The following MAIP1 variants were observed in gnomAD, a reference collection of about 807,000 sequenced individuals.
The protein encoded by MAIP1 is matrix AAA peptidase interacting protein 1.
Under a neutral mutation model 31.2 loss-of-function variants are expected in MAIP1, and 28 were observed. That is an observed-to-expected ratio of 0.90 (90% CI 0.67 to 1.23). The LOEUF (loss-of-function observed/expected upper bound fraction) is 1.23. MAIP1 is among the 50% of genes most tolerant of loss of function. The pLI, the probability that MAIP1 is intolerant of heterozygous loss-of-function variation, is 0.00. For missense variants in MAIP1, 339 were observed against 356.0 expected (o/e 0.95, Z 0.38); for synonymous variants, 142 against 142.3 (o/e 1.00, Z 0.02).
intron 3 of MAIP1, among the ~76,000 whole-genome samples, chr2:199,960,173 A>G (rs1333781347): frequency 6.6e-6 from 1 of 152,224 alleles, no homozygotes; most frequent in Non-Finnish European, 1.5e-5. Flanking sequence ...CAAATAGAAA[A>G]TATTTATGTT....
Position 199,962,914 on chromosome 2 carries a change from TA to T in MAIP1, c.798-812del, listed in dbSNP as rs560141725. ...AGTGAAGATATAATTTAACATTTAT[TA>T]AAAAAATATGTTGCCAGAGTTACAC... On this transcript the variant is annotated intron_variant, in intron 4 of 4. Coordinates refer to ENST00000392290, the MANE Select transcript of MAIP1 (RefSeq NM_001394955.1). Among the ~76,000 whole-genome samples, 340 of 152,184 alleles carry T rather than the reference TA, an allele frequency of 2.2e-3. 3 individuals carry two copies. Among genetic ancestry groups the T allele is most frequent in the African/African-American group, 7.9e-3 (326 of 41,528 alleles).
At chr2:199,961,280 T>C (rs2077635200) in intron 3 of MAIP1, among the ~76,000 whole-genome samples, 1 of 151,930 alleles carries the variant, frequency 6.6e-6, no homozygotes, top group African/African-American at 2.4e-5. Flanking sequence ...CTGGGCAACA[T>C]GGCAAGACCC....
chr2:199,955,469 A>G, upstream of MAIP1: 2 of 1,613,612 alleles, frequency 1.2e-6, no homozygotes, highest in Non-Finnish European at 1.7e-6. Context: ...CTGCCCGGCC[A>G]TGGTTGCTCA....
At chr2:199,963,053 GA>G (rs2077644798) in intron 4 of MAIP1, among the ~76,000 whole-genome samples, 1 of 151,402 alleles carries the variant, frequency 6.6e-6, no homozygotes, top group South Asian at 2.1e-4. Context: ...CTTCTTAAAA[GA>G]AATGTGTTTT....
Position 199,961,878 on chromosome 2 carries a change from G to C in MAIP1, c.747G>C (p.Lys249Asn). Residue 249 changes from lysine (K) to asparagine (N), a missense_variant, in exon 4 of 5, where the codon AAG becomes AAC. By Grantham distance (94) the Lys-to-Asn change is moderately conservative. Transcript: ENST00000392290. ...TLRGASVFQVKLGNQNVETKQ... is the reference protein window; with the variant it reads ...TLRGASVFQVNLGNQNVETKQ... ...GAGGAGCCAGTGTATTCCAGGTTAA[G>C]TTGGGGAATCAGAATGTGGAAACTA... 1 of 1,614,038 alleles carries C rather than the reference G, an allele frequency of 6.2e-7. No homozygotes were observed. Among genetic ancestry groups the C allele is most frequent in the East Asian group, 2.2e-5 (1 of 44,852 alleles).
rs550256222 is a variant in MAIP1, at chr2:199,955,724, A to G, written c.-75A>G. 647 of 1,413,812 alleles carry G rather than the reference A, an allele frequency of 4.6e-4. 1 individual carries two copies. Among genetic ancestry groups the G allele is most frequent in the Non-Finnish European group, 5.2e-4 (549 of 1,051,612 alleles). The allele number at this position is 1,413,812 out of a possible 1,614,324, so 87.6% of individuals were successfully genotyped here. ...CTTTGCTCTCCAGTCTCTTTCTCCG[A>G]CACCGCTGAGGCGGTTTCCCACCGA... On this transcript the variant is annotated 5_prime_UTR_variant, in exon 1 of 5. Coordinates refer to ENST00000392290, the MANE Select transcript of MAIP1 (RefSeq NM_001394955.1).
intron 1 of MAIP1, 57 bp from the exon 2 acceptor site, chr2:199,959,211 C>T (rs2077623327): frequency 3.5e-6 from 3 of 863,910 alleles, no homozygotes; most frequent in African/African-American, 3.3e-5. Context: ...TAAATATGAA[C>T]ATGGTATGGT....
intron 1 of MAIP1, among the ~76,000 whole-genome samples, chr2:199,957,725 C>T (rs2077615765): frequency 6.6e-6 from 1 of 152,212 alleles, no homozygotes; most frequent in South Asian, 2.1e-4. Flanking sequence ...GATTAAGATG[C>T]TTAACTCAGC....
At chr2:199,955,419 G>A, upstream of MAIP1, 2 of 1,613,908 alleles carry the variant, frequency 1.2e-6, no homozygotes, top group Non-Finnish European at 8.5e-7. Flanking sequence ...TGCATGAACT[G>A]CTCCCGAGAA....
At chr2:199,961,656 A>G (rs1441513507) in intron 3 of MAIP1, 125 bp from the exon 4 acceptor site, 1 of 759,696 alleles carries the variant, frequency 1.3e-6, no homozygotes, top group African/African-American at 1.8e-5. Context: ...TCACATCAGA[A>G]TAAGCACAAA....
rs2077638700 is a variant in MAIP1 at position 199,961,864 on chromosome 2, G to A, written c.733G>A (p.Val245Ile). 2 of 1,613,868 alleles carry A rather than the reference G, an allele frequency of 1.2e-6. No homozygotes were observed. The highest frequency in any genetic ancestry group is 1.1e-5 in the South Asian group (1 of 91,080). Residue 245 changes from valine to isoleucine, a missense_variant, in exon 4 of 5, where the codon GTA becomes ATA. Transcript: ENST00000392290. ...IPSETLRGAS[V>I]FQVKLGNQNV... Reference sequence around the variant, plus strand: ...CAGTGAAACTTTAAGAGGAGCCAGTGTATTCCAGGTTAAGTTGGGGAATCA... The same window carrying A: ...CAGTGAAACTTTAAGAGGAGCCAGTATATTCCAGGTTAAGTTGGGGAATCA...
At position 199,955,715 on chromosome 2, in the gene MAIP1, C is replaced by G; in HGVS notation, c.-84C>G. On this transcript the variant is annotated 5_prime_UTR_variant, in exon 1 of 5. Transcript: ENST00000392290. ...ACAGGTCCACTTTGCTCTCCAGTCT[C>G]TTTCTCCGACACCGCTGAGGCGGTT... The G allele has an allele frequency of 1.5e-6, 2 of 1,374,866 alleles. No homozygotes were observed. Among genetic ancestry groups the G allele is most frequent in the Non-Finnish European group, 9.8e-7 (1 of 1,018,716 alleles). 85.2% of individuals were successfully genotyped at this position (1,374,866 alleles called of 1,614,324 possible).
chr2:199,961,151 A>G (rs2105727179), intron 3 of MAIP1, among the ~76,000 whole-genome samples: 1 of 152,268 alleles, frequency 6.6e-6, no homozygotes, highest in South Asian at 2.1e-4. Flanking sequence ...GGTATCTGTC[A>G]GGAGATTATT....
chr2:199,955,360 T>G (rs1161619354), upstream of MAIP1: 3 of 1,608,158 alleles, frequency 1.9e-6, no homozygotes, highest in Non-Finnish European at 2.5e-6. Flanking sequence ...TCTCGCTGGT[T>G]TCTCGAGGTT....
At position 199,955,657 on chromosome 2, in the gene MAIP1, G is replaced by C. The variant is rs948395118; in HGVS notation, c.-142G>C. On this transcript the variant is annotated 5_prime_UTR_variant, in exon 1 of 5. Transcript: ENST00000392290. The stretch of plus-strand genomic sequence containing the variant: ...CGGCCTGGGCTGCGTGCTGGAGAGC[G>C]GGGACGGGGCCGACTCACCAGAGGC... 9.0e-6 allele frequency: 10 copies of C among 1,115,098 alleles called. No homozygotes were observed. Among genetic ancestry groups the C allele is most frequent in the Non-Finnish European group, 1.2e-5 (10 of 801,642 alleles). 69.1% of individuals were successfully genotyped at this position (1,115,098 alleles called of 1,614,324 possible). A position where few individuals can be genotyped will look rare whatever the true frequency, so the allele number is the denominator to read the frequency against.
At position 199,956,016 on chromosome 2, in the gene MAIP1, G is replaced by C; in HGVS notation, c.218G>C (p.Trp73Ser). ...GCGCTACCTGCCCAGGGCTCCCGGTGGCCAGTGCTCAGCAGCCCGGGACTC... is the reference window on the plus strand; with the variant it reads ...GCGCTACCTGCCCAGGGCTCCCGGTCGCCAGTGCTCAGCAGCCCGGGACTC... ...ASALPAQGSR[W>S]PVLSSPGLPA... The change falls in exon 1 of 5, where the codon TGG (tryptophan) becomes TCG (serine). Residue 73 changes from tryptophan to serine, a missense_variant. Physicochemically the swap from Trp to Ser is radical, Grantham distance 177 (BLOSUM62 -3). Transcript: ENST00000392290. 1 of 1,610,256 alleles carries C rather than the reference G, an allele frequency of 6.2e-7. No individual in the cohort carries two copies. Among genetic ancestry groups the C allele is most frequent in the Non-Finnish European group, 8.5e-7 (1 of 1,178,206 alleles).
chr2:199,962,485 A>G (rs368977654), intron 4 of MAIP1, among the ~76,000 whole-genome samples: 6 of 152,312 alleles, frequency 3.9e-5, no homozygotes, highest in African/African-American at 9.6e-5. Flanking sequence ...CTAAACCAGT[A>G]AAGGGCTATG....
intron 3 of MAIP1, among the ~76,000 whole-genome samples, chr2:199,960,252 G>T (rs2105726453): frequency 6.6e-6 from 1 of 152,150 alleles, no homozygotes; most frequent in Middle Eastern, 3.4e-3. Context: ...AGGAATGAGG[G>T]GTAAAAGAAA....
At chr2:199,956,912 A>G (rs1006436733) in intron 1 of MAIP1, among the ~76,000 whole-genome samples, 1 of 152,206 alleles carries the variant, frequency 6.6e-6, no homozygotes, top group African/African-American at 2.4e-5. Context: ...TTTAGCCTTT[A>G]GAGATTCTTA....
Sources: gnomAD v4.1 joint callset for allele counts (sites outside exome capture counted in the v4.1 genomes callset) on GRCh38, gnomAD v4.1.1 for gene constraint, MANE v1.5 for transcripts, NCBI Gene and HGNC (gene_info 2026-07-23, HGNC 2026-07-21) for gene names.